The following PCDH15 variants were observed in gnomAD, a reference collection of about 807,000 sequenced individuals.
PCDH15 encodes the protein protocadherin related 15.
PCDH15 carries 129 observed loss-of-function variants against 178.5 expected under a neutral mutation model. That is an observed-to-expected ratio of 0.72 (90% confidence interval 0.63 to 0.84). The LOEUF is 0.84. Ranked by LOEUF, PCDH15 falls within the 40% of genes least tolerant of loss-of-function variation. The pLI, the probability that PCDH15 is intolerant of heterozygous loss-of-function variation, is 0.00. For missense variants in PCDH15, 2,230 were observed against 2,099.9 expected (o/e 1.06, Z -1.21); for synonymous variants, 800 against 732.0 (o/e 1.09, Z -1.50).
intron 6 of PCDH15, among the ~76,000 whole-genome samples, chr10:54,331,415 T>G (rs1425321734): frequency 6.6e-6 from 1 of 151,946 alleles, no homozygotes; most frequent in Non-Finnish European, 1.5e-5. Flanking sequence ...ATGCAGTCAT[T>G]TAAAAGTAAC....
chr10:55,447,197 TGTA>T (rs1839336256), intron 2 of PCDH15, among the ~76,000 whole-genome samples: 1 of 152,074 alleles, frequency 6.6e-6, no homozygotes, highest in Non-Finnish European at 1.5e-5. Flanking sequence ...CATTGGTAAG[TGTA>T]GTAAACGTTT....
chr10:54,956,601 G>A (rs1486621768), intron 2 of PCDH15, among the ~76,000 whole-genome samples: 2 of 151,424 alleles, frequency 1.3e-5, no homozygotes, highest in South Asian at 2.1e-4. Flanking sequence ...TTTAATCACG[G>A]TATATAAAAT....
At position 55,103,388 on chromosome 10, in the gene PCDH15, G is replaced by T. The variant is rs536528763; in HGVS notation, c.-80+63188C>A. 1.8e-3 allele frequency among the ~76,000 whole-genome samples: 275 copies of T among 152,160 alleles called. 2 individuals carry two copies. The highest frequency in any genetic ancestry group is 6.0e-3 in the African/African-American group (247 of 41,510). ...GTCTTCTGTTAGTTCCTCTGTTGGG[G>T]TATCTGTTAGCTCTTGAATTTCTCC... On this transcript the variant is annotated intron_variant, in intron 2 of 5. Coordinates refer to the PCDH15 transcript ENST00000458638.
At chr10:54,683,801 A>T (rs1414934576) in intron 1 of PCDH15, among the ~76,000 whole-genome samples, 1 of 152,072 alleles carries the variant, frequency 6.6e-6, no homozygotes, top group Non-Finnish European at 1.5e-5. Flanking sequence ...CTGAGTTGCA[A>T]TCCTGACTCT....
At chr10:54,939,494 CAAAAAAAAAAAAAAAAAA>C (rs71014430) in intron 2 of PCDH15, among the ~76,000 whole-genome samples, 2 of 26,664 alleles carry the variant, frequency 7.5e-5, no homozygotes, top group African/African-American at 2.1e-4. Flanking sequence ...GACTCCGTCT[CAAAAAAAAAAAAAAAAAA>C]AAAAAAAAAA....
chr10:54,973,055 T>G (rs1241858952), intron 2 of PCDH15, among the ~76,000 whole-genome samples: 2 of 151,906 alleles, frequency 1.3e-5, no homozygotes, highest in Non-Finnish European at 2.9e-5. Context: ...TGGAAATGGT[T>G]ATGATTAATA....
chr10:54,089,563 G>A (rs2094566695), intron 16 of PCDH15, among the ~76,000 whole-genome samples: 1 of 152,096 alleles, frequency 6.6e-6, no homozygotes, highest in Non-Finnish European at 1.5e-5. Flanking sequence ...TTATTTCATT[G>A]TGCTTTTTTT....
chr10:54,880,849 A>G (rs1954249815), intron 3 of PCDH15, among the ~76,000 whole-genome samples: 1 of 151,192 alleles, frequency 6.6e-6, no homozygotes, highest in Admixed American at 6.7e-5. Context: ...GATAAAGCAT[A>G]GGATTTTTTA....
intron 3 of PCDH15, chr10:54,897,397 G>A (rs903777227): frequency 3.3e-5 from 5 of 152,066 alleles, no homozygotes; most frequent in Admixed American, 6.6e-5. Context: ...TTTGTAAACC[G>A]TTGACATGAA....
intron 3 of PCDH15, among the ~76,000 whole-genome samples, chr10:54,381,802 A>T (rs1430676403): frequency 6.6e-6 from 1 of 152,088 alleles, no homozygotes; most frequent in Non-Finnish European, 1.5e-5. Flanking sequence ...CAGTTCAGAA[A>T]ATGGAATTAA....
rs145600066 is a variant in PCDH15 at position 55,245,402 on chromosome 10, T to A, written c.-156+74197A>T. On this transcript the variant is annotated intron_variant, in intron 1 of 5. Transcript: ENST00000458638. ...AAACACCCCCCCAAAACATCTTATA[T>A]TACTGTATTATTGTGTTCTTAACTA... 1.6e-3 allele frequency among the ~76,000 whole-genome samples: 238 copies of A among 152,240 alleles called. 8 individuals carry two copies. The East Asian group carries it at 0.039, about 25-fold the overall frequency.
chr10:55,478,678 A>G (rs1840110930), intron 2 of PCDH15, among the ~76,000 whole-genome samples: 1 of 151,178 alleles, frequency 6.6e-6, no homozygotes, highest in Non-Finnish European at 1.5e-5. Flanking sequence ...AATAGATAAG[A>G]AAAATATAAA....
intron 2 of PCDH15, among the ~76,000 whole-genome samples, chr10:54,920,888 T>C (rs1198262724): frequency 1.3e-5 from 2 of 152,188 alleles, no homozygotes; most frequent in Non-Finnish European, 2.9e-5. Context: ...AATGATGAAT[T>C]ATTTTGATAT....
intron 1 of PCDH15, among the ~76,000 whole-genome samples, chr10:54,698,161 C>T (rs960648396): frequency 3.9e-5 from 6 of 152,210 alleles, no homozygotes; most frequent in Non-Finnish European, 8.8e-5. Context: ...AGAAAGTTTA[C>T]ATTCGCTTGA....
At chr10:54,224,000 T>C (rs1362142878) in intron 9 of PCDH15, among the ~76,000 whole-genome samples, 2 of 152,150 alleles carry the variant, frequency 1.3e-5, no homozygotes, top group Non-Finnish European at 2.9e-5. Context: ...AAAATGCACA[T>C]CTAATATACT....
chr10:54,340,524 A>C (rs2134063910), intron 6 of PCDH15, among the ~76,000 whole-genome samples: 1 of 152,306 alleles, frequency 6.6e-6, no homozygotes, highest in Non-Finnish European at 1.5e-5. Context: ...ACTCGGTCCT[A>C]ACCTCAGAGG....
intron 3 of PCDH15, among the ~76,000 whole-genome samples, chr10:54,520,313 A>G (rs1321940493): frequency 1.3e-5 from 2 of 152,188 alleles, no homozygotes; most frequent in Non-Finnish European, 2.9e-5. Flanking sequence ...CAACCTACTC[A>G]TCTGACAAAG....
chr10:54,552,259 C>A (rs571172332), intron 2 of PCDH15, among the ~76,000 whole-genome samples: 6 of 152,212 alleles, frequency 3.9e-5, no homozygotes, highest in African/African-American at 1.4e-4. Flanking sequence ...TATGCACTAG[C>A]TCCATTATGA....
chr10:54,273,408 T>A (rs547249847), intron 8 of PCDH15, among the ~76,000 whole-genome samples: 1 of 150,900 alleles, frequency 6.6e-6, no homozygotes, highest in African/African-American at 2.4e-5. Context: ...AAAACTGTAA[T>A]TAAATAGACA....
Sources: gnomAD v4.1 joint callset for allele counts (sites outside exome capture counted in the v4.1 genomes callset) on GRCh38, gnomAD v4.1.1 for gene constraint, MANE v1.5 for transcripts, NCBI Gene and HGNC (gene_info 2026-07-23, HGNC 2026-07-21) for gene names.